Variants in NCKAP5 observed in about 807,000 individuals in gnomAD.
NCKAP5 encodes the protein NCK associated protein 5.
A neutral mutation model predicts 167.0 loss-of-function variants in NCKAP5; 92 were observed. The ratio of observed to expected loss-of-function variants is 0.55; its 90% CI spans 0.47 to 0.66. The LOEUF (loss-of-function observed/expected upper bound fraction) is 0.66, where lower values mean the gene tolerates loss of function less well. NCKAP5 is among the 30% of genes least tolerant of loss of function. NCKAP5 has a pLI of 0.00. For missense variants in NCKAP5, 2,378 were observed against 2,315.0 expected (o/e 1.03, Z -0.56); for synonymous variants, 891 against 877.4 (o/e 1.02, Z -0.27).
At chr2:133,541,984 C>T (rs1009468069) in intron 2 of NCKAP5, among the ~76,000 whole-genome samples, 10 of 152,100 alleles carry the variant, frequency 6.6e-5, no homozygotes, top group African/African-American at 1.7e-4. Context: ...AGGGTTTGCA[C>T]GGGATTGTTT....
intron 3 of NCKAP5, among the ~76,000 whole-genome samples, chr2:133,456,005 G>T (rs986534618): frequency 6.6e-6 from 1 of 152,106 alleles, no homozygotes; most frequent in Non-Finnish European, 1.5e-5. Flanking sequence ...AAACATCCGG[G>T]CTCTGTATCT....
At chr2:132,876,573 C>G (rs1036509036) in intron 9 of NCKAP5, among the ~76,000 whole-genome samples, 13 of 152,188 alleles carry the variant, frequency 8.5e-5, no homozygotes, top group African/African-American at 2.9e-4. Context: ...TGAGAGTGTT[C>G]TCTTACAATG....
intron 3 of NCKAP5, 37 bp from the exon 4 acceptor site, chr2:133,303,147 T>C (rs7604084): frequency 0.13 from 181,605 of 1,443,944 alleles, 12,606 homozygotes; most frequent in African/African-American, 0.28. Flanking sequence ...AAACTCACTA[T>C]GACAGTCCCC....
intron 3 of NCKAP5, among the ~76,000 whole-genome samples, chr2:133,320,504 A>G (rs989972026): frequency 6.6e-6 from 1 of 152,178 alleles, no homozygotes; most frequent in Non-Finnish European, 1.5e-5. Flanking sequence ...CAAGGTGGGC[A>G]GATCACGAGG....
At position 133,116,356 on chromosome 2, in the gene NCKAP5, C is replaced by T. The variant is rs1473277879; in HGVS notation, c.341+13622G>A. Reference sequence around the variant, plus strand: ...CAAAAAAATTAGCCGGGCGTGGTGGCGGGCGCCTGTAGTCCCAGCTACTCG... The same window carrying T: ...CAAAAAAATTAGCCGGGCGTGGTGGTGGGCGCCTGTAGTCCCAGCTACTCG... On this transcript the variant is annotated intron_variant, in intron 6 of 19. Transcript: ENST00000409261. Among the ~76,000 whole-genome samples the T allele has an allele frequency of 5.7e-5, 7 of 123,806 alleles. No homozygotes were observed. In the South Asian group the frequency reaches 7.8e-4, roughly 14 times the overall value. The allele number at this position is 123,806 out of a possible 152,430, so 81.2% of individuals were successfully genotyped here. A position where few individuals can be genotyped will look rare whatever the true frequency, so the allele number is the denominator to read the frequency against.
intron 3 of NCKAP5, among the ~76,000 whole-genome samples, chr2:133,311,316 C>T (rs1466180995): frequency 1.3e-5 from 2 of 152,206 alleles, no homozygotes; most frequent in African/African-American, 2.4e-5. Context: ...ACAAACGATA[C>T]AGATAAACAG....
At chr2:133,242,265 T>C (rs1176888266) in intron 4 of NCKAP5, among the ~76,000 whole-genome samples, 1 of 151,902 alleles carries the variant, frequency 6.6e-6, no homozygotes, top group Admixed American at 6.5e-5. Flanking sequence ...TTTTCTTTTT[T>C]TTTTAACTGA....
At chr2:133,216,307 A>C (rs1240104052) in intron 4 of NCKAP5, among the ~76,000 whole-genome samples, 1 of 152,140 alleles carries the variant, frequency 6.6e-6, no homozygotes, top group Non-Finnish European at 1.5e-5. Flanking sequence ...GCTCCTGGAC[A>C]ACAGCTGTGT....
chr2:133,472,731 G>A (rs1429035565), intron 3 of NCKAP5, among the ~76,000 whole-genome samples: 5 of 152,106 alleles, frequency 3.3e-5, no homozygotes, highest in Non-Finnish European at 2.9e-5. Context: ...TCTCCTAGAA[G>A]CTGCTCTACC....
intron 12 of NCKAP5, 120 bp from the exon 13 acceptor site, chr2:132,790,325 C>G: frequency 1.2e-6 from 1 of 844,738 alleles, no homozygotes; most frequent in Non-Finnish European, 1.8e-6. Context: ...AGGAGTACAT[C>G]CTGATAAACC....
intron 3 of NCKAP5, chr2:133,433,353 T>C (rs1309578735): frequency 1.3e-5 from 2 of 152,212 alleles, no homozygotes; most frequent in Non-Finnish European, 2.9e-5. Flanking sequence ...GCCAATTTGA[T>C]ACCTTTTACT....
chr2:132,729,725 TG>T (rs543156534), intron 17 of NCKAP5, among the ~76,000 whole-genome samples: 239 of 152,256 alleles, frequency 1.6e-3, no homozygotes, highest in African/African-American at 5.5e-3. Context: ...ACCTGCATAG[TG>T]TATGCCTTTG....
chr2:132,685,784 C>T (rs1201665526), intron 19 of NCKAP5, among the ~76,000 whole-genome samples: 1 of 152,048 alleles, frequency 6.6e-6, no homozygotes, highest in African/African-American at 2.4e-5. Flanking sequence ...TGCAACTTTC[C>T]CATGATTTAA....
At chr2:133,306,705 A>T (rs1029584813) in intron 3 of NCKAP5, among the ~76,000 whole-genome samples, 20 of 152,216 alleles carry the variant, frequency 1.3e-4, no homozygotes, top group African/African-American at 4.8e-4. Context: ...TGTGATTCTT[A>T]TTATGAGGTG....
chr2:133,221,825 A>C (rs954618946), intron 4 of NCKAP5, among the ~76,000 whole-genome samples: 2 of 152,214 alleles, frequency 1.3e-5, no homozygotes, highest in African/African-American at 4.8e-5. Context: ...ATTAGGAAGA[A>C]TGTCTATCAC....
At chr2:133,096,778 A>G (rs1233158338) in intron 6 of NCKAP5, among the ~76,000 whole-genome samples, 1 of 152,162 alleles carries the variant, frequency 6.6e-6, no homozygotes, top group East Asian at 1.9e-4. Context: ...ATACAAGTTC[A>G]AAGGTACTAG....
At chr2:132,955,010 A>G (rs2076296724) in intron 8 of NCKAP5, among the ~76,000 whole-genome samples, 1 of 152,224 alleles carries the variant, frequency 6.6e-6, no homozygotes, top group Admixed American at 6.5e-5. Flanking sequence ...ATACTTTAAG[A>G]CAGGGATGTC....
intron 11 of NCKAP5, among the ~76,000 whole-genome samples, chr2:132,820,395 A>T (rs1216860908): frequency 6.6e-6 from 1 of 151,804 alleles, no homozygotes; most frequent in Non-Finnish European, 1.5e-5. Context: ...ACGCCCAGCT[A>T]ATTTTTGTAT....
intron 3 of NCKAP5, among the ~76,000 whole-genome samples, chr2:133,304,230 TGATC>T (rs1241048359): frequency 6.6e-6 from 1 of 152,168 alleles, no homozygotes; most frequent in Non-Finnish European, 1.5e-5. Flanking sequence ...AGACAGGAGT[TGATC>T]CCATATAATG....
Sources: allele counts gnomAD v4.1 joint callset (sites outside exome capture counted in the v4.1 genomes callset), GRCh38; gene constraint gnomAD v4.1.1; transcripts MANE v1.5; gene names NCBI Gene and HGNC (gene_info 2026-07-23, HGNC 2026-07-21).